The following GPC6 variants were observed in gnomAD, a reference collection of about 807,000 sequenced individuals.
GPC6 encodes the protein glypican-6.
A neutral mutation model predicts 55.2 loss-of-function variants in GPC6; 14 were observed. The ratio of observed to expected loss-of-function variants is 0.25; its 90% CI spans 0.17 to 0.40. The LOEUF (loss-of-function observed/expected upper bound fraction) is 0.40, where lower values mean the gene tolerates loss of function less well. Ranked by LOEUF, GPC6 falls within the 10% of genes least tolerant of loss-of-function variation. The pLI, the probability that GPC6 is intolerant of heterozygous loss-of-function variation, is 1.00. For synonymous variants in GPC6, 278 were observed against 259.6 expected (o/e 1.07, Z -0.68); for missense variants, 641 against 708.5 (o/e 0.90, Z 1.08).
At position 94,337,551 on chromosome 13, in the gene GPC6, G is replaced by A. The variant is rs529199031; in HGVS notation, c.1152+31428G>A. On this transcript the variant is annotated intron_variant, in intron 6 of 8. Coordinates refer to ENST00000377047, the MANE Select transcript of GPC6 (RefSeq NM_005708.5). ...CAACCTCCACCTCCTGGGTTCAAGCGATTCTCCTGCCTCAGCCTCCCAAGT... is the reference window on the plus strand; with the variant it reads ...CAACCTCCACCTCCTGGGTTCAAGCAATTCTCCTGCCTCAGCCTCCCAAGT... Among the ~76,000 whole-genome samples, 8 of 151,692 alleles carry A rather than the reference G, an allele frequency of 5.3e-5. No homozygotes were observed. In the East Asian group the frequency reaches 1.4e-3, roughly 26 times the overall value.
intron 2 of GPC6, among the ~76,000 whole-genome samples, chr13:93,754,089 G>A (rs2138866692): frequency 6.6e-6 from 1 of 152,250 alleles, no homozygotes; most frequent in East Asian, 1.9e-4. Context: ...AGCATGCTCT[G>A]TTTTATCTTT....
intron 1 of GPC6, among the ~76,000 whole-genome samples, chr13:93,343,657 T>C (rs947037996): frequency 6.6e-6 from 1 of 152,220 alleles, no homozygotes; most frequent in African/African-American, 2.4e-5. Context: ...AAGACCCTTT[T>C]AATGCCTCTA....
intron 4 of GPC6, among the ~76,000 whole-genome samples, chr13:94,174,656 C>T (rs1888684452): frequency 6.6e-6 from 1 of 152,042 alleles, no homozygotes; most frequent in South Asian, 2.1e-4. Context: ...AAAGTTTGTG[C>T]TATCTCATCA....
intron 5 of GPC6, among the ~76,000 whole-genome samples, chr13:94,305,604 A>G (rs977536911): frequency 1.3e-5 from 2 of 152,186 alleles, no homozygotes; most frequent in Non-Finnish European, 2.9e-5. Context: ...GTCTTCTCCA[A>G]CCTCAGCTGG....
intron 4 of GPC6, among the ~76,000 whole-genome samples, chr13:94,117,287 A>C (rs1370817734): frequency 6.6e-6 from 1 of 152,094 alleles, no homozygotes; most frequent in East Asian, 1.9e-4. Flanking sequence ...CCCAGGGCTT[A>C]ATTATAATTC....
At chr13:93,782,204 A>G (rs970210570) in intron 2 of GPC6, among the ~76,000 whole-genome samples, 4 of 152,118 alleles carry the variant, frequency 2.6e-5, no homozygotes, top group African/African-American at 7.2e-5. Context: ...TGCTTGGCCT[A>G]TTTTACTTAA....
At chr13:93,555,615 G>A (rs556846504) in intron 2 of GPC6, among the ~76,000 whole-genome samples, 59 of 152,172 alleles carry the variant, frequency 3.9e-4, no homozygotes, top group African/African-American at 1.3e-3. Flanking sequence ...TAAATTCCCC[G>A]GACAAAGAGT....
intron 4 of GPC6, among the ~76,000 whole-genome samples, chr13:94,079,952 G>A (rs986343192): frequency 1.3e-5 from 2 of 152,180 alleles, no homozygotes; most frequent in Non-Finnish European, 2.9e-5. Flanking sequence ...TATCCAGACT[G>A]TTGAGAGAGC....
chr13:93,765,256 A>C, intron 2 of GPC6, among the ~76,000 whole-genome samples: 1 of 78,624 alleles, frequency 1.3e-5, no homozygotes, highest in Non-Finnish European at 3.7e-5. Flanking sequence ...AACTTTCCAG[A>C]TAAGCTGTCT....
intron 2 of GPC6, among the ~76,000 whole-genome samples, chr13:93,674,792 G>A (rs771358455): frequency 3.9e-5 from 6 of 152,070 alleles, no homozygotes; most frequent in Non-Finnish European, 7.4e-5. Flanking sequence ...AACCAGCCCT[G>A]GTAATTGCTT....
intron 2 of GPC6, among the ~76,000 whole-genome samples, chr13:93,765,554 A>G (rs978424267): frequency 2.0e-5 from 3 of 152,150 alleles, no homozygotes; most frequent in African/African-American, 4.8e-5. Context: ...ATAGAATCAT[A>G]TGGAGAAGTC....
At chr13:94,348,855 A>G (rs1878407483) in intron 6 of GPC6, among the ~76,000 whole-genome samples, 1 of 152,174 alleles carries the variant, frequency 6.6e-6, no homozygotes, top group African/African-American at 2.4e-5. Flanking sequence ...CAGATTTGCA[A>G]TTCCAACCAC....
At chr13:93,613,982 T>C (rs1384820661) in intron 2 of GPC6, among the ~76,000 whole-genome samples, 1 of 152,182 alleles carries the variant, frequency 6.6e-6, no homozygotes, top group Non-Finnish European at 1.5e-5. Flanking sequence ...GGCAATTGAC[T>C]AGGTCACACA....
chr13:93,494,498 T>A (rs1022155423), intron 1 of GPC6, among the ~76,000 whole-genome samples: 3 of 152,222 alleles, frequency 2.0e-5, no homozygotes, highest in Non-Finnish European at 4.4e-5. Context: ...CTGTGTCTTT[T>A]AATTGGAGAA....
At chr13:93,756,463 T>C (rs528446424) in intron 2 of GPC6, among the ~76,000 whole-genome samples, 1 of 152,284 alleles carries the variant, frequency 6.6e-6, no homozygotes, top group East Asian at 1.9e-4. Context: ...CTTGTGGTGA[T>C]TACAAAATGG....
chr13:94,393,421 CT>C (rs1440002190), intron 7 of GPC6, among the ~76,000 whole-genome samples: 1 of 152,146 alleles, frequency 6.6e-6, no homozygotes, highest in Admixed American at 6.5e-5. Flanking sequence ...AATTTTGGCA[CT>C]GCACATAGGG....
At chr13:94,146,227 G>A (rs7337027) in intron 4 of GPC6, among the ~76,000 whole-genome samples, 14,018 of 152,030 alleles carry the variant, frequency 0.092, 1,152 homozygotes, top group African/African-American at 0.21. Context: ...TCAGCAGGGT[G>A]CCTGGTGCAT....
intron 3 of GPC6, among the ~76,000 whole-genome samples, chr13:93,894,502 AT>A (rs1171787158): frequency 6.6e-6 from 1 of 152,188 alleles, no homozygotes; most frequent in Non-Finnish European, 1.5e-5. Context: ...CCAAAAAAAA[AT>A]AAGCATGTAA....
intron 4 of GPC6, among the ~76,000 whole-genome samples, chr13:94,154,774 A>T (rs523303): frequency 6.6e-6 from 1 of 152,176 alleles, no homozygotes; most frequent in Admixed American, 6.5e-5. Context: ...TTCTGTAAAG[A>T]CCTTTGGTTT....
Sources: allele counts gnomAD v4.1 joint callset (sites outside exome capture counted in the v4.1 genomes callset), GRCh38; gene constraint gnomAD v4.1.1; transcripts MANE v1.5; gene names NCBI Gene and HGNC (gene_info 2026-07-23, HGNC 2026-07-21).